The following NOS1AP variants were observed in gnomAD, a reference collection of about 807,000 sequenced individuals.
NOS1AP encodes carboxyl-terminal PDZ ligand of neuronal nitric oxide synthase protein.
NOS1AP carries 21 observed loss-of-function variants against 56.2 expected under a neutral mutation model. The ratio of observed to expected loss-of-function variants is 0.37; its 90% CI spans 0.26 to 0.54. The LOEUF (loss-of-function observed/expected upper bound fraction) is 0.54. Ranked by LOEUF, NOS1AP falls within the 20% of genes least tolerant of loss-of-function variation. The pLI, the probability that NOS1AP is intolerant of heterozygous loss-of-function variation, is 0.84. For missense variants in NOS1AP, 522 were observed against 657.8 expected (o/e 0.79, Z 2.26); for synonymous variants, 270 against 274.6 (o/e 0.98, Z 0.17).
intron 2 of NOS1AP, among the ~76,000 whole-genome samples, chr1:162,199,620 G>GTA (rs1651922569): frequency 7.1e-6 from 1 of 140,576 alleles, no homozygotes; most frequent in Non-Finnish European, 1.6e-5. Context: ...GTGTGTGTGT[G>GTA]TGTGTGTGTG....
chr1:162,324,416 C>CTT (rs35946766), intron 4 of NOS1AP, among the ~76,000 whole-genome samples: 878 of 72,110 alleles, frequency 0.012, 200 homozygotes, highest in Non-Finnish European at 0.018. Flanking sequence ...GGACACTAGC[C>CTT]TTTTTTTTTT....
chr1:162,203,607 G>T (rs1186341344), intron 2 of NOS1AP, among the ~76,000 whole-genome samples: 1 of 152,168 alleles, frequency 6.6e-6, no homozygotes, highest in African/African-American at 2.4e-5. Flanking sequence ...TACCCACCAT[G>T]ACTTTAGAAC....
chr1:162,321,731 A>AAATATATATATAT (rs1480278757), intron 4 of NOS1AP, among the ~76,000 whole-genome samples: 1 of 128,492 alleles, frequency 7.8e-6, no homozygotes, highest in African/African-American at 2.9e-5. Context: ...AAAAAAAAAA[A>AAATATATATATAT]ATATATATAT....
In NOS1AP at chr1:162,333,126, G is replaced by A. The variant is rs753946714; in HGVS notation, c.453+1G>A. On this transcript the variant is annotated splice_donor_variant, in intron 5 of 9. Coordinates refer to ENST00000361897, the MANE Select transcript of NOS1AP (RefSeq NM_014697.3). LOFTEE classifies it high-confidence loss of function. ...TAACGTCTTTAAATCCAAGAAGAAGGTAAAGAGGCGGTTGCCGTCCATCTG... is the reference window on the plus strand; with the variant it reads ...TAACGTCTTTAAATCCAAGAAGAAGATAAAGAGGCGGTTGCCGTCCATCTG... The A allele has an allele frequency of 6.2e-7, 1 of 1,604,046 alleles. No individual in the cohort carries two copies. Among genetic ancestry groups the A allele is most frequent in the Non-Finnish European group, 8.5e-7 (1 of 1,170,950 alleles).
chr1:162,365,222 T>A (rs2101830339), intron 8 of NOS1AP, 182 bp from the exon 9 acceptor site: 1 of 1,458,988 alleles, frequency 6.9e-7, no homozygotes, highest in Non-Finnish European at 9.0e-7. Context: ...GTGAACCCAC[T>A]CCTTTTGGCT....
chr1:162,113,540 A>G (rs2102042838), intron 1 of NOS1AP, among the ~76,000 whole-genome samples: 1 of 152,324 alleles, frequency 6.6e-6, no homozygotes, highest in Non-Finnish European at 1.5e-5. Context: ...AGCATCAGCT[A>G]GCCTTCTGGG....
chr1:162,147,533 CA>C (rs1208211733), intron 1 of NOS1AP, among the ~76,000 whole-genome samples: 2 of 151,998 alleles, frequency 1.3e-5, no homozygotes, highest in African/African-American at 4.8e-5. Context: ...ATTCGTGTAC[CA>C]GGGGCCACAA....
At chr1:162,123,240 C>G (rs945443308) in intron 1 of NOS1AP, among the ~76,000 whole-genome samples, 4 of 152,226 alleles carry the variant, frequency 2.6e-5, no homozygotes, top group Admixed American at 1.3e-4. Context: ...TGTCTACTCT[C>G]AGCTCACTGC....
In NOS1AP at chr1:162,165,606, G is replaced by T. The variant is rs562334517; in HGVS notation, c.177+11130G>T. ...GGATTCACTTCTAAGCTTGAACGTG[G>T]TATGGTTGTGGTATGGAACCAAGGC... On this transcript the variant is annotated intron_variant, in intron 2 of 9. Coordinates refer to ENST00000361897, the MANE Select transcript of NOS1AP (RefSeq NM_014697.3). Among the ~76,000 whole-genome samples, 33 of 152,234 alleles carry T rather than the reference G, an allele frequency of 2.2e-4. 1 individual carries two copies. The South Asian group carries it at 2.3e-3, about 11-fold the overall frequency.
chr1:162,106,690 C>G (rs971577726), intron 1 of NOS1AP, among the ~76,000 whole-genome samples: 1 of 152,208 alleles, frequency 6.6e-6, no homozygotes, highest in South Asian at 2.1e-4. Context: ...ATCCAGATAG[C>G]ATTTCTCATG....
intron 6 of NOS1AP, among the ~76,000 whole-genome samples, chr1:162,352,735 C>T (rs1421493348): frequency 6.6e-6 from 1 of 151,740 alleles, no homozygotes; most frequent in Non-Finnish European, 1.5e-5. Flanking sequence ...GCATGAATCC[C>T]ATCATGAGGA....
At chr1:162,262,817 A>T (rs1321722625) in intron 2 of NOS1AP, among the ~76,000 whole-genome samples, 2 of 152,012 alleles carry the variant, frequency 1.3e-5, no homozygotes, top group African/African-American at 4.8e-5. Flanking sequence ...ATTTAACCAG[A>T]CTCATTTATC....
At chr1:162,354,172 C>G (rs1657613195) in intron 6 of NOS1AP, among the ~76,000 whole-genome samples, 1 of 152,262 alleles carries the variant, frequency 6.6e-6, no homozygotes, top group South Asian at 2.1e-4. Flanking sequence ...GTTGCCTGGG[C>G]TAGCTTCAGC....
chr1:162,221,403 T>A (rs79972586), intron 2 of NOS1AP, among the ~76,000 whole-genome samples: 5,233 of 152,266 alleles, frequency 0.034, 126 homozygotes, highest in Middle Eastern at 0.051. Flanking sequence ...AATCTTTTGC[T>A]AGAAGAAAAA....
intron 1 of NOS1AP, among the ~76,000 whole-genome samples, chr1:162,084,783 G>A (rs189882798): frequency 1.3e-5 from 2 of 152,196 alleles, no homozygotes; most frequent in African/African-American, 2.4e-5. Flanking sequence ...CCAGGCTCAA[G>A]TGATATTCCT....
At chr1:162,356,806 G>A (rs1326150326) in intron 7 of NOS1AP, among the ~76,000 whole-genome samples, 154 bp from the exon 8 acceptor site, 1 of 152,100 alleles carries the variant, frequency 6.6e-6, no homozygotes, top group Non-Finnish European at 1.5e-5. Flanking sequence ...TCCTTTCTGG[G>A]CCTCTACTCC....
At chr1:162,310,855 T>G (rs1174112843) in intron 4 of NOS1AP, among the ~76,000 whole-genome samples, 1 of 150,916 alleles carries the variant, frequency 6.6e-6, no homozygotes, top group Non-Finnish European at 1.5e-5. Flanking sequence ...TTAGAATATC[T>G]TAGTGTCACT....
intron 2 of NOS1AP, among the ~76,000 whole-genome samples, chr1:162,199,321 G>T (rs1651908429): frequency 6.6e-6 from 1 of 152,212 alleles, no homozygotes; most frequent in East Asian, 1.9e-4. Flanking sequence ...CTCCGCTGCT[G>T]CATGCCGGTT....
rs1036227862 is a variant in NOS1AP at position 162,364,661 on chromosome 1, G to T, written c.940-743G>T. Reference sequence around the variant, plus strand: ...CAGCCCTTCTGGGCTGGTTGGAGGAGGCCCTCTCATGAATCAGTCAGCAAA... The same window carrying T: ...CAGCCCTTCTGGGCTGGTTGGAGGATGCCCTCTCATGAATCAGTCAGCAAA... On this transcript the variant is annotated intron_variant, in intron 8 of 9. Transcript: ENST00000361897. 20 of 985,444 alleles carry T rather than the reference G, an allele frequency of 2.0e-5. No individual in the cohort carries two copies. The Admixed American group carries it at 9.2e-4, about 45-fold the overall frequency. The allele number at this position is 985,444 out of a possible 1,614,324, so 61.0% of individuals were successfully genotyped here.
Sources: allele counts gnomAD v4.1 joint callset (sites outside exome capture counted in the v4.1 genomes callset), GRCh38; gene constraint gnomAD v4.1.1; transcripts MANE v1.5; gene names NCBI Gene and HGNC (gene_info 2026-07-23, HGNC 2026-07-21).